PRDM16: variants seen among roughly 807,000 people sequenced by gnomAD.
The protein encoded by PRDM16 is histone-lysine N-methyltransferase PRDM16.
Under a neutral mutation model 110.6 loss-of-function variants are expected in PRDM16, and 23 were observed. The ratio of observed to expected loss-of-function variants is 0.21; its 90% CI spans 0.15 to 0.29. The LOEUF (loss-of-function observed/expected upper bound fraction) is 0.29, where lower values mean the gene tolerates loss of function less well. Among genes scored for constraint, PRDM16 ranks in the 10% least tolerant of loss-of-function variants. The pLI is 1.00. For synonymous variants in PRDM16, 799 were observed against 781.8 expected, an observed-to-expected ratio of 1.02 and a Z score of -0.37; for missense variants, 1,615 against 1,794.3, an observed-to-expected ratio of 0.90 and a Z score of 1.81.
chr1:3,340,477 A>T (rs978382825), intron 3 of PRDM16, among the ~76,000 whole-genome samples: 1 of 152,200 alleles, frequency 6.6e-6, no homozygotes, highest in East Asian at 1.9e-4. Flanking sequence ...GCATCTGGGG[A>T]TGTCTGGAAC....
intron 2 of PRDM16, among the ~76,000 whole-genome samples, chr1:3,194,724 C>T (rs1002732734): frequency 2.6e-5 from 4 of 152,078 alleles, no homozygotes; most frequent in South Asian, 2.1e-4. Flanking sequence ...ACCGTCTCCC[C>T]GCCACACGCC....
At chr1:3,381,461 G>A (rs549913539) in intron 3 of PRDM16, among the ~76,000 whole-genome samples, 37 of 149,380 alleles carry the variant, frequency 2.5e-4, no homozygotes, top group African/African-American at 8.9e-4. Flanking sequence ...GGAGTGCAGT[G>A]GCGCAATCTC....
At chr1:3,423,200 C>T (rs747562031) in intron 12 of PRDM16, among the ~76,000 whole-genome samples, 1 of 152,188 alleles carries the variant, frequency 6.6e-6, no homozygotes, top group African/African-American at 2.4e-5. Flanking sequence ...GACTGCCTCC[C>T]GTTCTCTAGG....
chr1:3,254,772 C>T (rs1640009592), intron 3 of PRDM16, among the ~76,000 whole-genome samples: 1 of 152,014 alleles, frequency 6.6e-6, no homozygotes, highest in African/African-American at 2.4e-5. Context: ...CATCAAGCTA[C>T]CAATGACTTT....
In PRDM16 at chr1:3,255,438, C is replaced by CCCAT. The variant is rs1250210935; in HGVS notation, c.438+11302_438+11305dup. Among the ~76,000 whole-genome samples the CCCAT allele has an allele frequency of 6.6e-6, 1 of 152,164 alleles. No individual in the cohort carries two copies. Among genetic ancestry groups the CCCAT allele is most frequent in the Non-Finnish European group, 1.5e-5 (1 of 68,038 alleles). On this transcript the variant is annotated intron_variant, in intron 3 of 16. Transcript: ENST00000270722. The surrounding 1 kb of genome is among the most constrained non-coding windows in gnomAD (Gnocchi z 4.7). The stretch of plus-strand genomic sequence containing the variant: ...TGCCCCCGACACTTCAGGAGCCCAG[C>CCCAT]CCATGATGGCACTGAGCTGTCAACA...
In PRDM16 at chr1:3,208,785, A is replaced by G. The variant is rs1460930526; in HGVS notation, c.387+22311A>G. 1.3e-5 allele frequency: 2 copies of G among 152,270 alleles called. No homozygotes were observed. Among genetic ancestry groups the G allele is most frequent in the Non-Finnish European group, 2.9e-5 (2 of 68,096 alleles). The allele number at this position is 152,270 out of a possible 1,614,324, so 9.4% of individuals were successfully genotyped here. A position where few individuals can be genotyped will look rare whatever the true frequency, so the allele number is the denominator to read the frequency against. Reference sequence around the variant, plus strand: ...GAGCCACTGGTCAAAGGTATGGGCCACCATCCCCTTTGTGGGGTTTGTCCT... The same window carrying G: ...GAGCCACTGGTCAAAGGTATGGGCCGCCATCCCCTTTGTGGGGTTTGTCCT... On this transcript the variant is annotated intron_variant, in intron 2 of 16. Transcript: ENST00000270722. This position sits in a 1 kb window ranked among gnomAD's most constrained non-coding sequence, Gnocchi z 6.1.
intron 2 of PRDM16, among the ~76,000 whole-genome samples, chr1:3,237,191 G>C (rs1169921588): frequency 2.0e-5 from 3 of 152,094 alleles, no homozygotes; most frequent in Non-Finnish European, 4.4e-5. Flanking sequence ...CCATCCGAGA[G>C]CCCCTGCCTG....
intron 1 of PRDM16, among the ~76,000 whole-genome samples, chr1:3,151,989 C>T (rs1270996243): frequency 1.3e-5 from 2 of 152,242 alleles, no homozygotes; most frequent in African/African-American, 2.4e-5. Context: ...CTGCTCTGTC[C>T]TCTGCGTGGT....
At chr1:3,184,879 C>T (rs1325507452) in intron 1 of PRDM16, among the ~76,000 whole-genome samples, 1 of 152,080 alleles carries the variant, frequency 6.6e-6, no homozygotes, top group African/African-American at 2.4e-5. Context: ...GCCAGGGCCG[C>T]CCTCCTCCTT....
At chr1:3,331,879 T>C (rs1570089552) in intron 3 of PRDM16, among the ~76,000 whole-genome samples, 1 of 152,184 alleles carries the variant, frequency 6.6e-6, no homozygotes. Context: ...CCGGGGGGCC[T>C]CAGGGACTCC....
At chr1:3,314,071 C>CGGGGGGTGG (rs1553161915) in intron 3 of PRDM16, among the ~76,000 whole-genome samples, 1 of 100,656 alleles carries the variant, frequency 9.9e-6, no homozygotes, top group African/African-American at 6.1e-5. Flanking sequence ...CCTTCCCCAC[C>CGGGGGGTGG]GGGGGGGGGG....
At chr1:3,263,032 A>G (rs1569949719) in intron 3 of PRDM16, among the ~76,000 whole-genome samples, 1 of 152,234 alleles carries the variant, frequency 6.6e-6, no homozygotes, top group South Asian at 2.1e-4. Context: ...GAGGCATCGC[A>G]GGGGCACCAG....
chr1:3,324,705 A>G (rs777032422), intron 3 of PRDM16, among the ~76,000 whole-genome samples: 12 of 151,628 alleles, frequency 7.9e-5, no homozygotes, highest in Non-Finnish European at 1.8e-4. Flanking sequence ...GTCAGGATCT[A>G]AAGCACAGAT....
chr1:3,407,520 C>A (rs1006743806), intron 8 of PRDM16, among the ~76,000 whole-genome samples: 1 of 152,152 alleles, frequency 6.6e-6, no homozygotes, highest in Non-Finnish European at 1.5e-5. Flanking sequence ...GAGTCAGGGG[C>A]TGGGGCGGGG....
intron 2 of PRDM16, among the ~76,000 whole-genome samples, chr1:3,189,833 C>A (rs2651916): frequency 6.6e-6 from 1 of 152,076 alleles, no homozygotes; most frequent in East Asian, 1.9e-4. Context: ...ACAGGGTGCG[C>A]GTCTCTTGAA....
chr1:3,176,905 C>T (rs1163114793), intron 1 of PRDM16, among the ~76,000 whole-genome samples: 1 of 151,936 alleles, frequency 6.6e-6, no homozygotes, highest in Non-Finnish European at 1.5e-5. Context: ...ACCATCCATC[C>T]ACCCATCTAT....
intron 2 of PRDM16, among the ~76,000 whole-genome samples, chr1:3,196,063 G>A (rs938925119): frequency 6.6e-6 from 1 of 152,212 alleles, no homozygotes; most frequent in African/African-American, 2.4e-5. Context: ...TCCATGCAGG[G>A]GCCCAGAGGC....
At chr1:3,351,544 CTGTCCCCCTCCCTCTCTCA>C (rs1642485087) in intron 3 of PRDM16, among the ~76,000 whole-genome samples, 1 of 60,970 alleles carries the variant, frequency 1.6e-5, no homozygotes, top group Non-Finnish European at 3.7e-5. Flanking sequence ...CCCTCCCTCT[CTGTCCCCCTCCCTCTCTCA>C]TCCCCTTCCT....
rs1488096118 is a variant in PRDM16, at chr1:3,359,733, G to GA, written c.439-25418dup. Among the ~76,000 whole-genome samples the GA allele has an allele frequency of 6.6e-6, 1 of 152,222 alleles. No homozygotes were observed. Among genetic ancestry groups the GA allele is most frequent in the African/African-American group, 2.4e-5 (1 of 41,456 alleles). On this transcript the variant is annotated intron_variant, in intron 3 of 16. Transcript: ENST00000270722. This position sits in a 1 kb window ranked among gnomAD's most constrained non-coding sequence, Gnocchi z 4.3. ...GAAAAAAAGCGTCCTCTGTGTGCCT[G>GA]AGGGGAACGCACTGGGTTGATCCCT...
Sources: gnomAD v4.1 joint callset for allele counts (sites outside exome capture counted in the v4.1 genomes callset) on GRCh38, gnomAD v4.1.1 for gene constraint, Gnocchi (gnomAD v3.1) non-coding constraint, MANE v1.5 for transcripts, NCBI Gene and HGNC (gene_info 2026-07-23, HGNC 2026-07-21) for gene names.